LGALS4: variants seen among roughly 807,000 people sequenced by gnomAD.
The protein encoded by LGALS4 is galectin 4, also known as galectin-4.
Under a neutral mutation model 39.6 loss-of-function variants are expected in LGALS4, and 37 were observed. The ratio of observed to expected loss-of-function variants is 0.93; its 90% CI spans 0.72 to 1.23. The LOEUF is 1.23. Among genes scored for constraint, LGALS4 ranks in the 50% most tolerant of loss-of-function variants. The probability of loss-of-function intolerance (pLI) is 0.00; values close to 1 mark genes in which losing one functional copy is unlikely to be tolerated. For synonymous variants in LGALS4, 160 were observed against 165.5 expected, an observed-to-expected ratio of 0.97 and a Z score of 0.25; for missense variants, 397 against 433.2, an observed-to-expected ratio of 0.92 and a Z score of 0.74.
intron 7 of LGALS4, among the ~76,000 whole-genome samples, chr19:38,802,722 G>C (rs1382752251): frequency 6.6e-6 from 1 of 151,998 alleles, no homozygotes; most frequent in African/African-American, 2.4e-5. Flanking sequence ...CTGACGCCCA[G>C]GCTGGAGTGT....
chr19:38,806,122 C>G (rs1971418598), intron 4 of LGALS4, among the ~76,000 whole-genome samples: 1 of 152,062 alleles, frequency 6.6e-6, no homozygotes, highest in African/African-American at 2.4e-5. Context: ...AATCCCAGCA[C>G]TTTGGGAAGT....
intron 3 of LGALS4, 43 bp from the exon 4 acceptor site, chr19:38,806,638 C>T (rs750908704): frequency 6.2e-7 from 1 of 1,607,668 alleles, no homozygotes; most frequent in African/African-American, 1.3e-5. Flanking sequence ...CACCCATGAT[C>T]CTGGGAAGGT....
intron 3 of LGALS4, among the ~76,000 whole-genome samples, chr19:38,806,972 G>A (rs1971429591): frequency 6.6e-6 from 1 of 151,692 alleles, no homozygotes; most frequent in Admixed American, 6.6e-5. Flanking sequence ...CAAGGATCAG[G>A]GATCTTTTTC....
rs372150249 is a variant in LGALS4 at position 38,808,837 on chromosome 19, C to T, written c.246G>A (p.Gly82=). Residue 82 remains glycine, a synonymous_variant, in exon 3 of 10, where the codon GGG becomes GGA. Coordinates refer to ENST00000307751, the MANE Select transcript of LGALS4 (RefSeq NM_006149.4). ...TCTTCCTCTCCTCGCTGCCCCACTT[C>T]CCGCCCTGCAACGTGTTGAAGACCA... ...DKVVFNTLQG[G]KWGSEERKRS... The T allele has an allele frequency of 1.1e-5, 18 of 1,614,016 alleles. No homozygotes were observed. Among genetic ancestry groups the T allele is most frequent in the South Asian group, 9.9e-5 (9 of 91,082 alleles).
rs1302657592 is a variant in LGALS4, at chr19:38,802,123, C to T, written c.694G>A (p.Asp232Asn). Reference protein sequence around the residue: ...AINFKVGSSGDIALHINPRMG... With the variant: ...AINFKVGSSGNIALHINPRMG... Reference sequence around the variant, plus strand: ...CGGGGATTAATGTGCAGAGCTATGTCCCCTGAGGAGCCCACCTTGAAGTTG... The same window carrying T: ...CGGGGATTAATGTGCAGAGCTATGTTCCCTGAGGAGCCCACCTTGAAGTTG... Residue 232 changes from aspartate to asparagine, a missense_variant, in exon 9 of 10, where the codon GAC becomes AAC. By Grantham distance (23) the Asp-to-Asn change is conservative. Coordinates refer to ENST00000307751, the MANE Select transcript of LGALS4 (RefSeq NM_006149.4). 3 of 1,614,052 alleles carry T rather than the reference C, an allele frequency of 1.9e-6. No homozygotes were observed. The highest frequency in any genetic ancestry group is 2.2e-5 in the East Asian group (1 of 44,876).
intron 4 of LGALS4, 114 bp from the exon 5 acceptor site, chr19:38,804,009 A>G (rs1971393481): frequency 8.4e-7 from 1 of 1,193,222 alleles, no homozygotes; most frequent in African/African-American, 1.5e-5. Flanking sequence ...ATGCCAGAGA[A>G]CTCTGGCATC....
At chr19:38,805,559 C>T (rs1971412782) in intron 4 of LGALS4, among the ~76,000 whole-genome samples, 1 of 152,106 alleles carries the variant, frequency 6.6e-6, no homozygotes, top group Non-Finnish European at 1.5e-5. Flanking sequence ...TTCCTGTCTC[C>T]AGCCCTGGGC....
intron 7 of LGALS4, chr19:38,803,252 C>T: frequency 3.6e-6 from 2 of 548,268 alleles, no homozygotes; most frequent in South Asian, 4.4e-5. Context: ...CTCCTGACCT[C>T]GTGATCTGTC....
At chr19:38,804,403 C>T (rs576987410) in intron 4 of LGALS4, among the ~76,000 whole-genome samples, 85 of 152,276 alleles carry the variant, frequency 5.6e-4, no homozygotes, top group Non-Finnish European at 1.1e-3. Context: ...CCTCAGCCTC[C>T]GGTGTAGCTG....
Position 38,811,196 on chromosome 19 carries a change from C to T in LGALS4, c.134+1235G>A, listed in dbSNP as rs185998746. On this transcript the variant is annotated intron_variant, in intron 2 of 9. Coordinates refer to ENST00000307751, the MANE Select transcript of LGALS4 (RefSeq NM_006149.4). ...GATTACAGGCCTGAGCTACCGCGCC[C>T]GGCCTGGACTTATTTTTTATGTTTC... Among the ~76,000 whole-genome samples, 60 of 152,226 alleles carry T rather than the reference C, an allele frequency of 3.9e-4. No individual in the cohort carries two copies. In the East Asian group the frequency reaches 7.5e-3, roughly 19 times the overall value.
rs3745866 is a variant in LGALS4 at position 38,803,571 on chromosome 19, C to G, written c.541-20G>C. On this transcript the variant is annotated intron_variant, in intron 6 of 9. Transcript: ENST00000307751. ...CATGGTCTGTGAAGTGAGGAAGAAG[C>G]GATATTATTCTCCAAGAGTCGACAG... The G allele has an allele frequency of 6.2e-7, 1 of 1,613,410 alleles. No individual in the cohort carries two copies. The highest frequency in any genetic ancestry group is 1.7e-5 in the Admixed American group (1 of 59,978).
chr19:38,811,208 A>AT (rs1292507950), intron 2 of LGALS4, among the ~76,000 whole-genome samples: 1 of 151,950 alleles, frequency 6.6e-6, no homozygotes, highest in East Asian at 1.9e-4. Flanking sequence ...GCCTGGACTT[A>AT]TTTTTTATGT....
intron 2 of LGALS4, among the ~76,000 whole-genome samples, chr19:38,811,135 A>T (rs1361679677): frequency 6.6e-6 from 1 of 152,004 alleles, no homozygotes; most frequent in Non-Finnish European, 1.5e-5. Flanking sequence ...TCCCGATCTC[A>T]GGTGATCTGC....
rs183332836 is a variant in LGALS4, at chr19:38,802,367, G to A, written c.608C>T (p.Thr203Ile). 1.2e-6 allele frequency: 2 copies of A among 1,614,222 alleles called. No homozygotes were observed. Among genetic ancestry groups the A allele is most frequent in the Non-Finnish European group, 8.5e-7 (1 of 1,180,036 alleles). Reference sequence around the variant, plus strand: ...CTTGATGATGATGGTTCTTCGAGCTGTGAGCCCTCCTTGCAGCCTCCCGAA... The same window carrying A: ...CTTGATGATGATGGTTCTTCGAGCTATGAGCCCTCCTTGCAGCCTCCCGAA... ...PYFGRLQGGL[T>I]ARRTIIIKGY... The change falls in exon 8 of 10, where the codon ACA (threonine) becomes ATA (isoleucine). Residue 203 changes from threonine to isoleucine, a missense_variant. By Grantham distance (89) the Thr-to-Ile change is moderately conservative. Coordinates refer to ENST00000307751, the MANE Select transcript of LGALS4 (RefSeq NM_006149.4).
At position 38,802,352 on chromosome 19, in the gene LGALS4, A is replaced by T; in HGVS notation, c.623T>A (p.Ile208Asn). 6.2e-7 allele frequency: 1 copy of T among 1,614,122 alleles called. No individual in the cohort carries two copies. The highest frequency in any genetic ancestry group is 8.5e-7 in the Non-Finnish European group (1 of 1,180,002). Reference sequence around the variant, plus strand: ...GGGAGGCACATAGCCCTTGATGATGATGGTTCTTCGAGCTGTGAGCCCTCC... The same window carrying T: ...GGGAGGCACATAGCCCTTGATGATGTTGGTTCTTCGAGCTGTGAGCCCTCC... ...LQGGLTARRT[I>N]IIKGYVPPTG... The change falls in exon 8 of 10, where the codon ATC becomes AAC. Residue 208 changes from isoleucine (I) to asparagine (N), a missense_variant. Ile to Asn is a moderately radical substitution (Grantham distance 149). Transcript: ENST00000307751.
rs3745866 is a variant in LGALS4 at position 38,803,571 on chromosome 19, C to T, written c.541-20G>A. 403 of 1,613,410 alleles carry T rather than the reference C, an allele frequency of 2.5e-4. 3 individuals are homozygous for T. The East Asian group carries it at 7.8e-3, about 31-fold the overall frequency. On this transcript the variant is annotated intron_variant, in intron 6 of 9. Coordinates refer to ENST00000307751, the MANE Select transcript of LGALS4 (RefSeq NM_006149.4). The stretch of plus-strand genomic sequence containing the variant: ...CATGGTCTGTGAAGTGAGGAAGAAG[C>T]GATATTATTCTCCAAGAGTCGACAG...
chr19:38,812,029 A>AC (rs201438366), intron 2 of LGALS4, among the ~76,000 whole-genome samples: 1 of 149,432 alleles, frequency 6.7e-6, no homozygotes, highest in East Asian at 2.0e-4. Flanking sequence ...AAAAAAAAAA[A>AC]CAAAAAAAAC....
intron 3 of LGALS4, 55 bp downstream of exon 3, chr19:38,808,689 C>T (rs1448556973): frequency 1.4e-6 from 2 of 1,415,570 alleles, no homozygotes; most frequent in African/African-American, 1.4e-5. Flanking sequence ...AAGGAAGCAG[C>T]CAAGATGGCG....
At chr19:38,805,581 G>T (rs1452238656) in intron 4 of LGALS4, among the ~76,000 whole-genome samples, 1 of 152,122 alleles carries the variant, frequency 6.6e-6, no homozygotes, top group Non-Finnish European at 1.5e-5. Flanking sequence ...TGACCCCTCT[G>T]CCTGCCTCCA....
Sources: allele counts gnomAD v4.1 joint callset (sites outside exome capture counted in the v4.1 genomes callset), GRCh38; gene constraint gnomAD v4.1.1; transcripts MANE v1.5; gene names NCBI Gene and HGNC (gene_info 2026-07-23, HGNC 2026-07-21).